Variants in CSMD1 observed in about 807,000 individuals in gnomAD.
CSMD1 encodes CUB and Sushi multiple domains 1.
A neutral mutation model predicts 417.5 loss-of-function variants in CSMD1; 213 were observed. The observed-to-expected ratio is 0.51, with a 90% CI of 0.46 to 0.57. The LOEUF (loss-of-function observed/expected upper bound fraction) is 0.57. CSMD1 is among the 20% of genes least tolerant of loss of function. The probability of loss-of-function intolerance (pLI) is 0.00; values close to 1 mark genes in which losing one functional copy is unlikely to be tolerated. For missense variants in CSMD1, 6,923 were observed against 4,529.7 expected (o/e 1.53, Z -15.17); for synonymous variants, 2,862 against 1,736.8 (o/e 1.65, Z -16.11).
intron 3 of CSMD1, among the ~76,000 whole-genome samples, chr8:4,178,934 A>C (rs1171974692): frequency 6.6e-6 from 1 of 152,194 alleles, no homozygotes; most frequent in Non-Finnish European, 1.5e-5. Flanking sequence ...GAGAAGATAC[A>C]AACAAATGGA....
At chr8:3,755,545 C>G (rs188026532) in intron 5 of CSMD1, among the ~76,000 whole-genome samples, 2 of 152,090 alleles carry the variant, frequency 1.3e-5, no homozygotes, top group African/African-American at 4.8e-5. Flanking sequence ...CCTGTGAGCG[C>G]CGCAGCTGCT....
intron 3 of CSMD1, among the ~76,000 whole-genome samples, chr8:4,082,181 A>G (rs928916218): frequency 3.9e-5 from 6 of 152,166 alleles, no homozygotes; most frequent in African/African-American, 1.2e-4. Flanking sequence ...AGAGCGTACA[A>G]GATATACTGT....
chr8:3,312,994 C>G (rs898729180), intron 23 of CSMD1, among the ~76,000 whole-genome samples: 2 of 152,188 alleles, frequency 1.3e-5, no homozygotes, highest in African/African-American at 2.4e-5. Flanking sequence ...AATGTCAACA[C>G]TGTTTTTGAA....
chr8:4,167,398 G>C (rs1188465118), intron 3 of CSMD1, among the ~76,000 whole-genome samples: 4 of 152,080 alleles, frequency 2.6e-5, no homozygotes. Context: ...AAATTTCATA[G>C]GCTAAAGTGT....
At chr8:3,607,780 T>C (rs575799769) in intron 8 of CSMD1, among the ~76,000 whole-genome samples, 1 of 152,316 alleles carries the variant, frequency 6.6e-6, no homozygotes, top group Admixed American at 6.5e-5. Flanking sequence ...TAACTGGCAA[T>C]ACTCCTTTGT....
At chr8:4,089,248 G>C (rs145910076) in intron 3 of CSMD1, among the ~76,000 whole-genome samples, 2 of 152,248 alleles carry the variant, frequency 1.3e-5, no homozygotes, top group African/African-American at 4.8e-5. Flanking sequence ...ATGTCCATCT[G>C]GTTCAGCACA....
intron 2 of CSMD1, among the ~76,000 whole-genome samples, chr8:4,470,426 G>T (rs965384801): frequency 6.6e-6 from 1 of 152,194 alleles, no homozygotes; most frequent in Non-Finnish European, 1.5e-5. Flanking sequence ...CTTCACAGAA[G>T]TGATAGTGCT....
At chr8:4,052,835 G>A (rs143660917) in intron 3 of CSMD1, among the ~76,000 whole-genome samples, 2 of 152,060 alleles carry the variant, frequency 1.3e-5, no homozygotes, top group Non-Finnish European at 2.9e-5. Flanking sequence ...GCAGGGCCTA[G>A]GTAAACCCCT....
intron 3 of CSMD1, among the ~76,000 whole-genome samples, chr8:4,388,536 A>G (rs1464130610): frequency 1.4e-5 from 2 of 142,478 alleles, no homozygotes; most frequent in Non-Finnish European, 3.1e-5. Flanking sequence ...GATACAGTGG[A>G]TTTTGGGGAC....
At chr8:3,168,436 G>C (rs929815379) in intron 37 of CSMD1, among the ~76,000 whole-genome samples, 7 of 152,026 alleles carry the variant, frequency 4.6e-5, no homozygotes, top group African/African-American at 1.5e-4. Context: ...CTCTTAATTC[G>C]AAAAATCGCA....
At chr8:3,780,436 AG>A (rs1799114155) in intron 5 of CSMD1, among the ~76,000 whole-genome samples, 1 of 152,226 alleles carries the variant, frequency 6.6e-6, no homozygotes, top group African/African-American at 2.4e-5. Context: ...CTCACTAGTA[AG>A]AGTGGATTTC....
intron 10 of CSMD1, among the ~76,000 whole-genome samples, chr8:3,520,039 T>TATATATATATATATATATATACACAC (rs545212684): frequency 2.3e-4 from 34 of 147,174 alleles, no homozygotes; most frequent in African/African-American, 8.8e-4. Context: ...TATATATATA[T>TATATATATATATATATATATACACAC]ACACGTATAG....
chr8:4,674,841 TG>T (rs59771152), intron 1 of CSMD1, among the ~76,000 whole-genome samples: 4,741 of 152,052 alleles, frequency 0.031, 261 homozygotes, highest in African/African-American at 0.11. Context: ...TATCTGGAGG[TG>T]GGGCATTTAG....
At chr8:2,965,635 T>A in intron 59 of CSMD1, 140 bp downstream of exon 59, 2 of 643,456 alleles carry the variant, frequency 3.1e-6, no homozygotes, top group Non-Finnish European at 5.3e-6. Context: ...AAAAATAAAG[T>A]GACTTAATAG....
intron 21 of CSMD1, among the ~76,000 whole-genome samples, chr8:3,351,022 CA>C (rs751442200): frequency 3.9e-5 from 6 of 152,208 alleles, no homozygotes; most frequent in Non-Finnish European, 7.3e-5. Context: ...AGCAACTCAC[CA>C]TCCTTCTAGC....
chr8:3,705,375 C>A (rs75249163), intron 7 of CSMD1, among the ~76,000 whole-genome samples: 3,065 of 152,268 alleles, frequency 0.02, 42 homozygotes, highest in Middle Eastern at 0.041. Flanking sequence ...GTGCTTCCCA[C>A]GGGCAGAATA....
chr8:3,511,289 T>C, intron 10 of CSMD1, among the ~76,000 whole-genome samples: 1 of 151,548 alleles, frequency 6.6e-6, no homozygotes, highest in Admixed American at 6.6e-5. Context: ...AGATGACAGG[T>C]TGATGGATAC....
intron 3 of CSMD1, among the ~76,000 whole-genome samples, chr8:4,378,954 A>C (rs1370850994): frequency 6.6e-6 from 1 of 152,212 alleles, no homozygotes; most frequent in African/African-American, 2.4e-5. Context: ...ATTATTTATA[A>C]GCCTTCCAGT....
intron 7 of CSMD1, among the ~76,000 whole-genome samples, chr8:3,696,747 T>C (rs1046911998): frequency 6.6e-6 from 1 of 152,218 alleles, no homozygotes; most frequent in East Asian, 1.9e-4. Flanking sequence ...AGTTATAAAC[T>C]AGATGTCAAG....
Sources: allele counts gnomAD v4.1 joint callset (sites outside exome capture counted in the v4.1 genomes callset), GRCh38; gene constraint gnomAD v4.1.1; transcripts MANE v1.5; gene names NCBI Gene and HGNC (gene_info 2026-07-23, HGNC 2026-07-21).